SVIL: variants seen among roughly 807,000 people sequenced by gnomAD.
SVIL encodes the protein supervillin.
In SVIL, 101 loss-of-function variants were observed where a neutral mutation model predicts 240.4. The ratio of observed to expected loss-of-function variants is 0.42; its 90% CI spans 0.36 to 0.50. SVIL has a LOEUF of 0.50. Ranked by LOEUF, SVIL falls within the 20% of genes least tolerant of loss-of-function variation. SVIL has a pLI of 0.01. For missense variants in SVIL, 2,512 were observed against 2,818.7 expected, an observed-to-expected ratio of 0.89 and a Z score of 2.46; for synonymous variants, 999 against 1,100.0, an observed-to-expected ratio of 0.91 and a Z score of 1.82.
At chr10:29,654,622 A>T (rs757167975) in intron 3 of SVIL, among the ~76,000 whole-genome samples, 1 of 152,204 alleles carries the variant, frequency 6.6e-6, no homozygotes, top group Non-Finnish European at 1.5e-5. Flanking sequence ...ATATAGAAGT[A>T]GGCAGGAAAT....
intron 6 of SVIL, among the ~76,000 whole-genome samples, chr10:29,549,888 G>A (rs1217150113): frequency 1.0e-5 from 1 of 97,766 alleles, no homozygotes; most frequent in Non-Finnish European, 2.0e-5. Flanking sequence ...GGGGGGAGGG[G>A]GGAGGGATAG....
chr10:29,625,909 G>T (rs922044245), intron 1 of SVIL, among the ~76,000 whole-genome samples: 5 of 152,108 alleles, frequency 3.3e-5, no homozygotes, highest in Middle Eastern at 3.2e-3. Context: ...CGGGTTTTTT[G>T]GGGTCTTTTT....
intron 7 of SVIL, among the ~76,000 whole-genome samples, chr10:29,533,887 G>A (rs1345813442): frequency 6.6e-6 from 1 of 152,168 alleles, no homozygotes; most frequent in African/African-American, 2.4e-5. Context: ...CTGGCATACA[G>A]ACACCTATTG....
At position 29,522,698 on chromosome 10, in the gene SVIL, G is replaced by A. The variant is rs975201844; in HGVS notation, c.3164-63C>T. On this transcript the variant is annotated intron_variant, in intron 15 of 37. Transcript: ENST00000355867. ...CAGGCAAACATTCTTCCAGCGATTC[G>A]CCCTCAACAGTGCAGCTCTCAGGGT... The A allele has an allele frequency of 1.2e-5, 18 of 1,532,914 alleles. No homozygotes were observed. The African/African-American group carries it at 1.4e-4, about 12-fold the overall frequency. 95.0% of individuals were successfully genotyped at this position (1,532,914 alleles called of 1,614,324 possible).
chr10:29,627,172 A>G (rs1957907107), intron 1 of SVIL, among the ~76,000 whole-genome samples: 1 of 152,200 alleles, frequency 6.6e-6, no homozygotes, highest in Admixed American at 6.5e-5. Flanking sequence ...ACTTTTTAAA[A>G]AAGATCTTCT....
chr10:29,520,607 G>A (rs2068297664), intron 16 of SVIL, among the ~76,000 whole-genome samples: 1 of 152,146 alleles, frequency 6.6e-6, no homozygotes, highest in Non-Finnish European at 1.5e-5. Flanking sequence ...AAGAAGCTTG[G>A]CTTAAAACTA....
At chr10:29,514,618 G>A (rs1950088074) in intron 16 of SVIL, among the ~76,000 whole-genome samples, 1 of 152,126 alleles carries the variant, frequency 6.6e-6, no homozygotes, top group Admixed American at 6.5e-5. Flanking sequence ...CTGGCCTCAA[G>A]CGATCCCCTG....
At chr10:29,613,479 C>A (rs1957324860) in intron 1 of SVIL, among the ~76,000 whole-genome samples, 1 of 151,896 alleles carries the variant, frequency 6.6e-6, no homozygotes. Flanking sequence ...ATTACAAGTG[C>A]ATATTACCAT....
chr10:29,507,649 A>G (rs1315285934), intron 17 of SVIL: 2 of 594,482 alleles, frequency 3.4e-6, no homozygotes, highest in Non-Finnish European at 4.2e-6. Context: ...AATGCACCAA[A>G]TAAGTTATTT....
chr10:29,532,308 G>T, intron 8 of SVIL, 136 bp from the exon 9 acceptor site: 1 of 1,248,898 alleles, frequency 8.0e-7, no homozygotes, highest in Non-Finnish European at 1.1e-6. Flanking sequence ...TACCATGCAC[G>T]TAAGGAAGGA....
chr10:29,717,232 C>CAAAAAAAAAAAA (rs71023503), intron 1 of SVIL, among the ~76,000 whole-genome samples: 1 of 38,326 alleles, frequency 2.6e-5, no homozygotes, highest in Non-Finnish European at 4.6e-5. Context: ...GACTCTCTCT[C>CAAAAAAAAAAAA]AAAAAAAAAA....
chr10:29,601,046 A>G (rs1956793159), intron 1 of SVIL, among the ~76,000 whole-genome samples: 1 of 152,226 alleles, frequency 6.6e-6, no homozygotes, highest in Non-Finnish European at 1.5e-5. Context: ...ATTAATATAC[A>G]TAACTTATGT....
At chr10:29,597,377 C>T (rs544399315) in intron 1 of SVIL, among the ~76,000 whole-genome samples, 5 of 152,154 alleles carry the variant, frequency 3.3e-5, no homozygotes, top group South Asian at 2.1e-4. Flanking sequence ...GGCCTTCAGG[C>T]GCCCACCTGG....
chr10:29,584,782 C>T lies in SVIL; in HGVS notation c.-200-15470G>A, dbSNP rs549243249. ...AGGTGGGAAGGGAGGCCGTGGACAG[C>T]CCGTGAAGAAGCATCAGAGCCATCC... is the stretch of plus-strand genomic sequence containing the variant. On this transcript the variant is annotated intron_variant, in intron 1 of 37. Coordinates refer to ENST00000355867, the MANE Select transcript of SVIL (RefSeq NM_021738.3). Among the ~76,000 whole-genome samples the T allele has an allele frequency of 1.1e-3, 164 of 152,304 alleles. 1 individual carries two copies. The highest frequency in any genetic ancestry group is 9.3e-3 in the South Asian group (45 of 4,828).
At chr10:29,564,947 T>C (rs1160938952) in intron 2 of SVIL, among the ~76,000 whole-genome samples, 1 of 152,198 alleles carries the variant, frequency 6.6e-6, no homozygotes. Flanking sequence ...AATTAAATAA[T>C]GGCAGAAATG....
intron 30 of SVIL, among the ~76,000 whole-genome samples, chr10:29,472,673 CAGGCCCTGGGGTTATA>C (rs1945718516): frequency 6.6e-6 from 1 of 152,196 alleles, no homozygotes; most frequent in African/African-American, 2.4e-5. Context: ...AAGCATGATG[CAGGCCCTGGGGTTATA>C]AGGCCATGGG....
chr10:29,515,263 G>A (rs1169150621), intron 16 of SVIL, among the ~76,000 whole-genome samples: 1 of 152,198 alleles, frequency 6.6e-6, no homozygotes, highest in Non-Finnish European at 1.5e-5. Context: ...TGCTACAAGA[G>A]CTAGTTCATG....
At chr10:29,471,736 C>G (rs1042040270) in intron 30 of SVIL, among the ~76,000 whole-genome samples, 1 of 152,212 alleles carries the variant, frequency 6.6e-6, no homozygotes, top group African/African-American at 2.4e-5. Flanking sequence ...GAAGGCTCTT[C>G]CTTCAGGTGT....
chr10:29,653,186 A>G (rs1958895535), intron 3 of SVIL, among the ~76,000 whole-genome samples: 1 of 151,966 alleles, frequency 6.6e-6, no homozygotes, highest in South Asian at 2.1e-4. Context: ...ATAACCCCCA[A>G]TGTTGGAGGA....
Sources: allele counts gnomAD v4.1 joint callset (sites outside exome capture counted in the v4.1 genomes callset), GRCh38; gene constraint gnomAD v4.1.1; transcripts MANE v1.5; gene names NCBI Gene and HGNC (gene_info 2026-07-23, HGNC 2026-07-21).